Variants in REDIC1 observed in about 807,000 individuals in gnomAD.
The protein encoded by REDIC1 is regulator of DNA class I crossover intermediates 1.
At chr12:39,901,175 T>C in the REDIC1 span, among the ~76,000 whole-genome samples, 1 of 152,130 alleles carries the variant, frequency 6.6e-6, no homozygotes, top group Non-Finnish European at 1.5e-5. Flanking sequence ...TTACACCTTA[T>C]ACAAAGAAAT....
the REDIC1 span, among the ~76,000 whole-genome samples, chr12:39,770,406 G>A: frequency 6.6e-6 from 1 of 152,104 alleles, no homozygotes; most frequent in Admixed American, 6.6e-5. Flanking sequence ...AGTTCAAATC[G>A]TGACTCTACC....
the REDIC1 span, among the ~76,000 whole-genome samples, chr12:39,747,616 A>T: frequency 6.6e-6 from 1 of 152,178 alleles, no homozygotes; most frequent in African/African-American, 2.4e-5. Context: ...ACTCCAAGAC[A>T]CATAATTGTC....
the REDIC1 span, among the ~76,000 whole-genome samples, chr12:39,744,923 A>G: frequency 3.3e-5 from 5 of 152,164 alleles, no homozygotes; most frequent in Admixed American, 6.5e-5. Context: ...ACAAGACTCC[A>G]CTATATGTTG....
At chr12:39,881,303 A>G in the REDIC1 span, among the ~76,000 whole-genome samples, 1 of 152,106 alleles carries the variant, frequency 6.6e-6, no homozygotes, top group Non-Finnish European at 1.5e-5. Context: ...GAATTCATAG[A>G]TGACAATATG....
At chr12:39,645,123 G>C in the REDIC1 span, among the ~76,000 whole-genome samples, 1 of 151,988 alleles carries the variant, frequency 6.6e-6, no homozygotes, top group African/African-American at 2.4e-5. Flanking sequence ...AGCACTTCTC[G>C]AATGAGGGTT....
the REDIC1 span, among the ~76,000 whole-genome samples, chr12:39,865,960 T>C: frequency 2.2e-4 from 33 of 152,212 alleles, no homozygotes; most frequent in Non-Finnish European, 1.2e-4. Flanking sequence ...AAATAATCTG[T>C]ACACCAGACC....
the REDIC1 span, among the ~76,000 whole-genome samples, chr12:39,631,525 A>T: frequency 6.6e-6 from 1 of 152,204 alleles, no homozygotes; most frequent in African/African-American, 2.4e-5. Context: ...ATCTAAATTT[A>T]GATAAATATT....
chr12:39,786,316 G>T, the REDIC1 span, among the ~76,000 whole-genome samples: 1 of 151,340 alleles, frequency 6.6e-6, no homozygotes, highest in Non-Finnish European at 1.5e-5. Context: ...TTTCCTCTTT[G>T]CTTCCTCCTC....
the REDIC1 span, among the ~76,000 whole-genome samples, chr12:39,707,879 G>A: frequency 2.6e-5 from 4 of 151,886 alleles, no homozygotes; most frequent in East Asian, 1.9e-4. Context: ...GGAACTGGAG[G>A]TTATGTTAAG....
chr12:39,687,652 C>T, the REDIC1 span, among the ~76,000 whole-genome samples: 1 of 152,232 alleles, frequency 6.6e-6, no homozygotes, highest in Non-Finnish European at 1.5e-5. Flanking sequence ...TATAATTCAA[C>T]ATGAGATTTG....
chr12:39,711,769 GTGCACATGCA>G, the REDIC1 span, among the ~76,000 whole-genome samples: 1 of 113,578 alleles, frequency 8.8e-6, no homozygotes, highest in Non-Finnish European at 1.9e-5. Context: ...GTATGTGTGT[GTGCACATGCA>G]TGTGTATGTG....
chr12:39,672,690 G>T, the REDIC1 span, among the ~76,000 whole-genome samples: 1 of 152,122 alleles, frequency 6.6e-6, no homozygotes, highest in Non-Finnish European at 1.5e-5. Flanking sequence ...TAGTGTGCAG[G>T]ACACTGTGGG....
the REDIC1 span, among the ~76,000 whole-genome samples, chr12:39,689,225 A>G: frequency 4.6e-5 from 7 of 152,218 alleles, no homozygotes; most frequent in Non-Finnish European, 5.9e-5. Flanking sequence ...GAGCCACAAG[A>G]TGGAAAGGAC....
chr12:39,803,456 T>C, the REDIC1 span, among the ~76,000 whole-genome samples: 1 of 152,102 alleles, frequency 6.6e-6, no homozygotes, highest in African/African-American at 2.4e-5. Context: ...ATGAGTATAA[T>C]TATTTAAAGA....
chr12:39,854,771 G>T, the REDIC1 span, among the ~76,000 whole-genome samples: 7,013 of 152,164 alleles, frequency 0.046, 256 homozygotes, highest in African/African-American at 0.11. Context: ...TCCTGTGCCT[G>T]GTGGCCCTTT....
chr12:39,739,053 G>T, the REDIC1 span, among the ~76,000 whole-genome samples: 1 of 147,144 alleles, frequency 6.8e-6, no homozygotes, highest in East Asian at 2.1e-4. Flanking sequence ...ATTTTTCCAA[G>T]TAATGGGAAA....
chr12:39,710,887 G>A, the REDIC1 span, among the ~76,000 whole-genome samples: 11 of 150,960 alleles, frequency 7.3e-5, no homozygotes, highest in East Asian at 2.0e-3. Flanking sequence ...TTTTTTTTCA[G>A]TATTCTTTTT....
chr12:39,730,688 G>T, the REDIC1 span, among the ~76,000 whole-genome samples: 473 of 147,210 alleles, frequency 3.2e-3, 6 homozygotes, highest in African/African-American at 0.011. Context: ...GTATTTCCTG[G>T]TGTTGGCCTG....
chr12:39,819,040 C>A, the REDIC1 span, among the ~76,000 whole-genome samples: 1 of 152,082 alleles, frequency 6.6e-6, no homozygotes, highest in Non-Finnish European at 1.5e-5. Context: ...TTCAGACAAC[C>A]GCTTGCACCC....
Sources: gnomAD v4.1 joint callset for allele counts (sites outside exome capture counted in the v4.1 genomes callset) on GRCh38, gnomAD v4.1.1 for gene constraint, MANE v1.5 for transcripts, NCBI Gene and HGNC (gene_info 2026-07-23, HGNC 2026-07-21) for gene names.